GPR39: variants seen among roughly 807,000 people sequenced by gnomAD.
The protein encoded by GPR39 is zinc sensing receptor.
Under a neutral mutation model 18.4 loss-of-function variants are expected in GPR39, and 23 were observed. That is an observed-to-expected ratio of 1.25 (90% CI 0.90 to 1.77). GPR39 has a LOEUF of 1.77. Among genes scored for constraint, GPR39 ranks in the 40% most tolerant of loss-of-function variants. The pLI, the probability that GPR39 is intolerant of heterozygous loss-of-function variation, is 0.00. For synonymous variants in GPR39, 280 were observed against 257.9 expected (o/e 1.09, Z -0.82); for missense variants, 647 against 602.4 (o/e 1.07, Z -0.78).
intron 1 of GPR39, chr2:132,523,712 C>G (rs1679463341): frequency 6.6e-6 from 1 of 152,298 alleles, no homozygotes; most frequent in Non-Finnish European, 1.5e-5. Flanking sequence ...TCCCTTTCCT[C>G]CCTCTGCTCC....
At chr2:132,634,051 T>C (rs2104872798) in intron 1 of GPR39, among the ~76,000 whole-genome samples, 1 of 149,830 alleles carries the variant, frequency 6.7e-6, no homozygotes, top group Admixed American at 6.6e-5. Flanking sequence ...GTGATGATGA[T>C]GGTGGGGGTG....
chr2:132,625,964 G>A (rs1681535864), intron 1 of GPR39, among the ~76,000 whole-genome samples: 1 of 152,052 alleles, frequency 6.6e-6, no homozygotes. Flanking sequence ...TCTGGGCGTG[G>A]TGGTGGGTGC....
At chr2:132,550,642 C>A (rs769673759) in intron 1 of GPR39, among the ~76,000 whole-genome samples, 3 of 152,144 alleles carry the variant, frequency 2.0e-5, no homozygotes, top group Non-Finnish European at 2.9e-5. Context: ...TTCAGTTTAT[C>A]GTTTACATAG....
intron 1 of GPR39, among the ~76,000 whole-genome samples, chr2:132,628,530 C>T (rs748615830): frequency 9.2e-5 from 14 of 152,330 alleles, no homozygotes; most frequent in Non-Finnish European, 1.9e-4. Flanking sequence ...CCTGCCCTAT[C>T]TCCGTCCAGG....
intron 1 of GPR39, among the ~76,000 whole-genome samples, chr2:132,638,144 TAGG>T (rs1193496627): frequency 1.3e-5 from 2 of 150,946 alleles, no homozygotes. Context: ...GGAGAAAGGA[TAGG>T]AGAAGAAAGA....
intron 1 of GPR39, among the ~76,000 whole-genome samples, chr2:132,504,921 C>T (rs1025865601): frequency 6.6e-6 from 1 of 152,156 alleles, no homozygotes; most frequent in Admixed American, 6.5e-5. Flanking sequence ...AGTTAGATTT[C>T]TTCAGCACAT....
chr2:132,585,013 G>T (rs1680699583), intron 1 of GPR39, among the ~76,000 whole-genome samples: 1 of 152,300 alleles, frequency 6.6e-6, no homozygotes, highest in South Asian at 2.1e-4. Context: ...TGTGTGGTGG[G>T]CCAGAAGGCC....
intron 1 of GPR39, among the ~76,000 whole-genome samples, chr2:132,449,319 C>T (rs886414352): frequency 1.3e-5 from 2 of 152,136 alleles, no homozygotes; most frequent in Non-Finnish European, 2.9e-5. Flanking sequence ...GCGATCTTGG[C>T]TCACTGCAAC....
intron 1 of GPR39, among the ~76,000 whole-genome samples, chr2:132,611,054 C>A (rs1474534833): frequency 6.6e-6 from 1 of 152,204 alleles, no homozygotes; most frequent in African/African-American, 2.4e-5. Context: ...ATGGTCCAGT[C>A]AGCCATTTCT....
chr2:132,502,528 A>T (rs1679063318), intron 1 of GPR39, among the ~76,000 whole-genome samples: 1 of 152,108 alleles, frequency 6.6e-6, no homozygotes, highest in African/African-American at 2.4e-5. Context: ...ACTTTAGATA[A>T]CCTGATGACT....
At chr2:132,619,595 A>G (rs75627822) in intron 1 of GPR39, among the ~76,000 whole-genome samples, 1,900 of 152,228 alleles carry the variant, frequency 0.012, 34 homozygotes, top group African/African-American at 0.043. Context: ...AGTGGGAGTT[A>G]TGTAAGAAGT....
intron 1 of GPR39, among the ~76,000 whole-genome samples, chr2:132,546,364 A>G (rs1679948661): frequency 6.6e-6 from 1 of 152,214 alleles, no homozygotes; most frequent in Non-Finnish European, 1.5e-5. Flanking sequence ...GAGCCTGGCT[A>G]TAGTAGGGAC....
At chr2:132,581,808 T>C (rs1299325286) in intron 1 of GPR39, among the ~76,000 whole-genome samples, 1 of 152,220 alleles carries the variant, frequency 6.6e-6, no homozygotes, top group African/African-American at 2.4e-5. Context: ...GCTAATGAAG[T>C]ATGGTGCTCT....
chr2:132,503,016 T>C (rs13023548), intron 1 of GPR39, among the ~76,000 whole-genome samples: 67,507 of 152,088 alleles, frequency 0.44, 15,843 homozygotes, highest in Non-Finnish European at 0.51. Context: ...TTCATCCTTC[T>C]CTGGTGCCTC....
intron 1 of GPR39, among the ~76,000 whole-genome samples, chr2:132,602,372 A>G (rs1681058667): frequency 6.6e-6 from 1 of 152,182 alleles, no homozygotes; most frequent in South Asian, 2.1e-4. Context: ...CTCCTACCAT[A>G]TACAAAAATT....
intron 1 of GPR39, among the ~76,000 whole-genome samples, chr2:132,584,703 A>T (rs1258603174): frequency 2.0e-5 from 3 of 152,190 alleles, no homozygotes; most frequent in Non-Finnish European, 4.4e-5. Flanking sequence ...GGCTTCTAAG[A>T]AAAAAACACC....
At chr2:132,638,044 G>A (rs750110456) in intron 1 of GPR39, among the ~76,000 whole-genome samples, 53 of 151,960 alleles carry the variant, frequency 3.5e-4, no homozygotes, top group Non-Finnish European at 6.8e-4. Flanking sequence ...TTTACATACT[G>A]GAGAAACATG....
chr2:132,625,196 G>A (rs1010169742), intron 1 of GPR39, among the ~76,000 whole-genome samples: 1 of 151,700 alleles, frequency 6.6e-6, no homozygotes. Context: ...ACATGGCGAC[G>A]TCTTGCTGTG....
rs1406663958 is a variant in GPR39 at position 132,590,821 on chromosome 2, G to A, written c.857-54280G>A. Reference sequence around the variant, plus strand: ...TTGAAGGATGCAAAGTATTGTTCGTGTGTGTGTGTGTGTGTGTGTGTGTGT... The same window carrying A: ...TTGAAGGATGCAAAGTATTGTTCGTATGTGTGTGTGTGTGTGTGTGTGTGT... On this transcript the variant is annotated intron_variant, in intron 1 of 1. Coordinates refer to ENST00000329321, the MANE Select transcript of GPR39 (RefSeq NM_001508.3). 7.7e-5 allele frequency among the ~76,000 whole-genome samples: 10 copies of A among 129,840 alleles called. No individual in the cohort carries two copies. The East Asian group carries it at 1.9e-3, about 25-fold the overall frequency. The allele number at this position is 129,840 out of a possible 152,430, so 85.2% of individuals were successfully genotyped here.
Sources: allele counts gnomAD v4.1 joint callset (sites outside exome capture counted in the v4.1 genomes callset), GRCh38; gene constraint gnomAD v4.1.1; transcripts MANE v1.5; gene names NCBI Gene and HGNC (gene_info 2026-07-23, HGNC 2026-07-21).